GRM5: variants seen among roughly 807,000 people sequenced by gnomAD.
The protein encoded by GRM5 is glutamate metabotropic receptor 5, also known as metabotropic glutamate receptor 5.
In GRM5, 19 loss-of-function variants were observed where a neutral mutation model predicts 83.1. That is an observed-to-expected ratio of 0.23 (90% confidence interval 0.16 to 0.34). GRM5 has a LOEUF of 0.34. GRM5 is among the 10% of genes least tolerant of loss of function. The probability of loss-of-function intolerance (pLI) is 1.00; values close to 1 mark genes in which losing one functional copy is unlikely to be tolerated. For synonymous variants in GRM5, 675 were observed against 633.6 expected, an observed-to-expected ratio of 1.07 and a Z score of -0.98; for missense variants, 1,160 against 1,588.3, an observed-to-expected ratio of 0.73 and a Z score of 4.58.
intron 4 of GRM5, among the ~76,000 whole-genome samples, chr11:88,617,092 A>T (rs1035506415): frequency 1.3e-5 from 2 of 152,238 alleles, no homozygotes; most frequent in Non-Finnish European, 2.9e-5. Flanking sequence ...GACAGAAAGC[A>T]TTCCTTTGTA....
chr11:88,870,002 GAA>G (rs958802731), intron 2 of GRM5, among the ~76,000 whole-genome samples: 3 of 151,324 alleles, frequency 2.0e-5, no homozygotes, highest in Non-Finnish European at 4.4e-5. Context: ...ATAGAAGTAA[GAA>G]AAAATATAAG....
chr11:88,785,683 G>A lies in GRM5; in HGVS notation c.911+64223C>T, dbSNP rs977194830. On this transcript the variant is annotated intron_variant, in intron 3 of 9. Transcript: ENST00000305447. ...TTAGTCATTTCTACTACAGGTATTT[G>A]CAAATTTTAGGAAAACTCTGTTGTG... Among the ~76,000 whole-genome samples, 4 of 152,002 alleles carry A rather than the reference G, an allele frequency of 2.6e-5. No homozygotes were observed. In the South Asian group the frequency reaches 6.2e-4, roughly 24 times the overall value.
intron 2 of GRM5, among the ~76,000 whole-genome samples, chr11:88,868,998 T>G (rs1368697709): frequency 1.3e-5 from 2 of 151,740 alleles, no homozygotes; most frequent in African/African-American, 4.8e-5. Context: ...TGCACTAATG[T>G]CTGCTGTTTT....
intron 4 of GRM5, among the ~76,000 whole-genome samples, chr11:88,632,760 C>A (rs1939011461): frequency 6.6e-6 from 1 of 152,184 alleles, no homozygotes; most frequent in South Asian, 2.1e-4. Flanking sequence ...AACTATCAAA[C>A]TATTTTCCAA....
intron 4 of GRM5, among the ~76,000 whole-genome samples, chr11:88,623,801 T>C (rs1938710677): frequency 6.6e-6 from 1 of 152,218 alleles, no homozygotes; most frequent in Admixed American, 6.5e-5. Flanking sequence ...CTGCCTGGAA[T>C]CCTTTGGACC....
rs578034467 is a variant in GRM5 at position 88,504,772 on chromosome 11, C to A, written c.*3820G>T. The A allele has an allele frequency of 2.6e-5, 4 of 152,118 alleles. No individual in the cohort carries two copies. Among genetic ancestry groups the A allele is most frequent in the African/African-American group, 7.2e-5 (3 of 41,524 alleles). 9.4% of individuals were successfully genotyped at this position (152,118 alleles called of 1,614,324 possible). A position where few individuals can be genotyped will look rare whatever the true frequency, so the allele number is the denominator to read the frequency against. On this transcript the variant is annotated 3_prime_UTR_variant, in exon 10 of 10. Transcript: ENST00000305447. ...AAAAAAAATCATTTGCAGTTCACAT[C>A]AAAATAATTTAACATTCTCTATTAT...
In GRM5 at chr11:88,507,030, A is replaced by G. The variant is rs1256123025; in HGVS notation, c.*1562T>C. ...TCCATTTATTACTATCCTTATTTAA[A>G]AATCAAAACATTTGGTACCTGAGGA... On this transcript the variant is annotated 3_prime_UTR_variant, in exon 10 of 10. Transcript: ENST00000305447. The G allele has an allele frequency of 2.7e-5, 4 of 150,142 alleles. No homozygotes were observed. The highest frequency in any genetic ancestry group is 5.9e-5 in the Non-Finnish European group (4 of 68,034). 9.3% of individuals were successfully genotyped at this position (150,142 alleles called of 1,614,324 possible). A position where few individuals can be genotyped will look rare whatever the true frequency, so the allele number is the denominator to read the frequency against.
intron 2 of GRM5, among the ~76,000 whole-genome samples, chr11:88,875,466 G>T (rs1404482731): frequency 6.6e-6 from 1 of 151,836 alleles, no homozygotes; most frequent in Admixed American, 6.6e-5. Flanking sequence ...ATCCATGAGG[G>T]TTGGAATCAA....
chr11:88,602,648 GTTGA>G (rs1555076587), intron 5 of GRM5, among the ~76,000 whole-genome samples: 2 of 152,114 alleles, frequency 1.3e-5, no homozygotes, highest in Non-Finnish European at 2.9e-5. Flanking sequence ...TTTGATCCTG[GTTGA>G]TTAATTGTCA....
chr11:88,715,329 G>A (rs72643309), intron 3 of GRM5, among the ~76,000 whole-genome samples: 11,418 of 151,984 alleles, frequency 0.075, 757 homozygotes, highest in African/African-American at 0.17. Context: ...CATGGTGCAT[G>A]TGGGAAGTGA....
chr11:88,803,654 A>G (rs1001807596), intron 3 of GRM5, among the ~76,000 whole-genome samples: 40 of 152,252 alleles, frequency 2.6e-4, no homozygotes, highest in Admixed American at 1.9e-3. Flanking sequence ...AACACCAAAA[A>G]CAATGGCAAC....
rs199551301 is a variant in GRM5, at chr11:88,570,550, A to AATATATATATAT, written c.1691-2570_1691-2559dup. On this transcript the variant is annotated intron_variant, in intron 7 of 9. Transcript: ENST00000305447. The stretch of plus-strand genomic sequence containing the variant: ...CTGTTTTACCAAAAAAAGTATTAAT[A>AATATATATATAT]ATATATATATATATATATATATTTT... 1.6e-3 allele frequency among the ~76,000 whole-genome samples: 116 copies of AATATATATATAT among 71,894 alleles called. 1 individual carries two copies. The highest frequency in any genetic ancestry group is 3.9e-3 in the African/African-American group (48 of 12,232). The allele number at this position is 71,894 out of a possible 152,430, so 47.2% of individuals were successfully genotyped here.
At chr11:88,825,830 C>A (rs774813554) in intron 3 of GRM5, among the ~76,000 whole-genome samples, 134 of 152,274 alleles carry the variant, frequency 8.8e-4, no homozygotes, top group Non-Finnish European at 1.4e-3. Flanking sequence ...GTGCAAATAA[C>A]ACTACATGTT....
At chr11:88,937,153 C>G (rs1937927417) in intron 2 of GRM5, among the ~76,000 whole-genome samples, 1 of 151,628 alleles carries the variant, frequency 6.6e-6, no homozygotes, top group South Asian at 2.1e-4. Flanking sequence ...GAGTATTGAG[C>G]TTAATTTGAG....
At chr11:88,576,989 C>T (rs1387044820) in intron 7 of GRM5, among the ~76,000 whole-genome samples, 2 of 152,118 alleles carry the variant, frequency 1.3e-5, no homozygotes, top group African/African-American at 4.8e-5. Flanking sequence ...AAAGCACTTT[C>T]CTACTGTAGC....
chr11:88,565,455 G>T (rs534182647), intron 8 of GRM5, among the ~76,000 whole-genome samples: 1 of 152,148 alleles, frequency 6.6e-6, no homozygotes, highest in South Asian at 2.1e-4. Flanking sequence ...AGTTTTTTAC[G>T]TGCTCAGACA....
rs1231429137 is a variant in GRM5 at position 89,065,904 on chromosome 11, A to T, written c.-329T>A. On this transcript the variant is annotated 5_prime_UTR_variant, in exon 1 of 10. Transcript: ENST00000305447. ...TGGAGGCAGCGGTGACAGCAGGCAGAACGGCTGCGGGGCCCGCGGCGGTGG... is the reference window on the plus strand; with the variant it reads ...TGGAGGCAGCGGTGACAGCAGGCAGTACGGCTGCGGGGCCCGCGGCGGTGG... 1.3e-5 allele frequency: 2 copies of T among 152,278 alleles called. No homozygotes were observed. Among genetic ancestry groups the T allele is most frequent in the East Asian group, 3.9e-4 (2 of 5,152 alleles). The allele number at this position is 152,278 out of a possible 1,614,324, so 9.4% of individuals were successfully genotyped here.
chr11:88,605,445 G>A (rs147159697), intron 4 of GRM5, among the ~76,000 whole-genome samples: 5 of 150,610 alleles, frequency 3.3e-5, no homozygotes, highest in East Asian at 3.9e-4. Flanking sequence ...CACCCAGTAC[G>A]TCTAATCTCA....
At chr11:88,534,735 C>T (rs1352419689) in intron 8 of GRM5, among the ~76,000 whole-genome samples, 1 of 152,084 alleles carries the variant, frequency 6.6e-6, no homozygotes, top group East Asian at 1.9e-4. Flanking sequence ...TTGGGAGGGG[C>T]TGGGGCAGAA....
Sources: gnomAD v4.1 joint callset for allele counts (sites outside exome capture counted in the v4.1 genomes callset) on GRCh38, gnomAD v4.1.1 for gene constraint, MANE v1.5 for transcripts, NCBI Gene and HGNC (gene_info 2026-07-23, HGNC 2026-07-21) for gene names.